Variants in KIAA1328 observed in about 807,000 individuals in gnomAD.
KIAA1328 encodes KIAA1328.
KIAA1328 carries 52 observed loss-of-function variants against 68.1 expected under a neutral mutation model. The observed-to-expected ratio is 0.76, with a 90% confidence interval of 0.61 to 0.96. The LOEUF (loss-of-function observed/expected upper bound fraction) is 0.96. KIAA1328 is among the 40% of genes least tolerant of loss of function. KIAA1328 has a pLI of 0.00. For missense variants in KIAA1328, 641 were observed against 677.6 expected, an observed-to-expected ratio of 0.95 and a Z score of 0.60; for synonymous variants, 232 against 239.4, an observed-to-expected ratio of 0.97 and a Z score of 0.28.
At chr18:37,090,846 T>A (rs1172328944) in intron 7 of KIAA1328, among the ~76,000 whole-genome samples, 2 of 152,182 alleles carry the variant, frequency 1.3e-5, no homozygotes, top group African/African-American at 4.8e-5. Context: ...ACTAATTTTT[T>A]AAATCTCAAT....
intron 7 of KIAA1328, among the ~76,000 whole-genome samples, chr18:37,110,642 A>G (rs1454278138): frequency 6.6e-6 from 1 of 152,236 alleles, no homozygotes; most frequent in Non-Finnish European, 1.5e-5. Context: ...AAACAAACAC[A>G]AAAATTTAAC....
chr18:37,071,572 G>C (rs1035265186), intron 7 of KIAA1328, among the ~76,000 whole-genome samples: 2 of 152,106 alleles, frequency 1.3e-5, no homozygotes, highest in East Asian at 1.9e-4. Flanking sequence ...AGTATTATAA[G>C]TAATGTAGAG....
chr18:36,910,886 A>T (rs1011111393), intron 5 of KIAA1328, among the ~76,000 whole-genome samples: 2 of 151,990 alleles, frequency 1.3e-5, no homozygotes, highest in African/African-American at 2.4e-5. Flanking sequence ...CTTTTCTGTC[A>T]TCGTCATGAG....
At chr18:37,193,025 A>C (rs2059936185) in intron 9 of KIAA1328, among the ~76,000 whole-genome samples, 1 of 152,200 alleles carries the variant, frequency 6.6e-6, no homozygotes, top group Non-Finnish European at 1.5e-5. Context: ...AAAATCTCTG[A>C]GATCAAGTTC....
At chr18:37,088,178 A>C (rs1360369059) in intron 7 of KIAA1328, among the ~76,000 whole-genome samples, 1 of 152,094 alleles carries the variant, frequency 6.6e-6, no homozygotes. Context: ...GTTGAGTTTC[A>C]ACTGAGACAC....
chr18:37,220,834 G>A (rs921458400), intron 9 of KIAA1328, among the ~76,000 whole-genome samples: 17 of 152,100 alleles, frequency 1.1e-4, no homozygotes, highest in African/African-American at 3.4e-4. Flanking sequence ...TTGGTTGGTT[G>A]GTTGGTTTTT....
At chr18:36,923,636 C>T (rs1598725981) in intron 5 of KIAA1328, 3 of 152,274 alleles carry the variant, frequency 2.0e-5, no homozygotes, top group Admixed American at 2.0e-4. Flanking sequence ...AAGAAAAGAA[C>T]ATTCTAGACA....
intron 1 of KIAA1328, among the ~76,000 whole-genome samples, chr18:36,830,583 G>T (rs546936291): frequency 4.6e-5 from 7 of 152,136 alleles, no homozygotes; most frequent in Admixed American, 6.5e-5. Context: ...AATGGTTTGG[G>T]GGGGGGACAA....
Position 36,927,248 on chromosome 18 carries a change from T to C in KIAA1328, c.449-32060T>C, listed in dbSNP as rs183754612. 1.1e-4 allele frequency among the ~76,000 whole-genome samples: 17 copies of C among 152,294 alleles called. No individual in the cohort carries two copies. The East Asian group carries it at 2.7e-3, about 24-fold the overall frequency. On this transcript the variant is annotated intron_variant, in intron 5 of 9. Coordinates refer to ENST00000280020, the MANE Select transcript of KIAA1328 (RefSeq NM_020776.3). Reference sequence around the variant, plus strand: ...ATACCATGGTAATGTAAGATACTAATGATAGAGAAAACTGAATAAGGGTAT... The same window carrying C: ...ATACCATGGTAATGTAAGATACTAACGATAGAGAAAACTGAATAAGGGTAT...
In KIAA1328 at chr18:37,153,353, C is replaced by G. The variant is rs113222039; in HGVS notation, c.1233-6847C>G. On this transcript the variant is annotated intron_variant, in intron 7 of 9. Transcript: ENST00000280020. ...GGGCAACAAACCTTGGGTATTACCC[C>G]AGATGAATGATGCCACTTCAGTTAT... Among the ~76,000 whole-genome samples the G allele has an allele frequency of 9.7e-3, 1,477 of 152,214 alleles. 15 individuals are homozygous for G. The highest frequency in any genetic ancestry group is 0.024 in the Middle Eastern group (7 of 294).
intron 9 of KIAA1328, among the ~76,000 whole-genome samples, chr18:37,212,863 G>A (rs906924517): frequency 3.9e-5 from 6 of 151,948 alleles, no homozygotes; most frequent in African/African-American, 1.5e-4. Context: ...TGGGACTACA[G>A]GCACGAGCCC....
chr18:37,135,741 C>T (rs1270822217), intron 7 of KIAA1328, among the ~76,000 whole-genome samples: 2 of 152,262 alleles, frequency 1.3e-5, no homozygotes, highest in Middle Eastern at 3.4e-3. Flanking sequence ...AGGACTTAAT[C>T]GTAAATTATT....
At chr18:37,170,541 T>C (rs966368920) in intron 8 of KIAA1328, among the ~76,000 whole-genome samples, 1 of 152,230 alleles carries the variant, frequency 6.6e-6, no homozygotes, top group Admixed American at 6.5e-5. Flanking sequence ...CTTTTGCTAA[T>C]GTAACTCTCT....
At chr18:37,034,888 T>A (rs1483799977) in intron 6 of KIAA1328, among the ~76,000 whole-genome samples, 1 of 152,158 alleles carries the variant, frequency 6.6e-6, no homozygotes, top group East Asian at 1.9e-4. Flanking sequence ...AAAGGTACAT[T>A]GAAAAGTAAT....
chr18:37,222,942 T>G lies in KIAA1328; in HGVS notation c.*715T>G, dbSNP rs948136007. 1 of 985,604 alleles carries G rather than the reference T, an allele frequency of 1.0e-6. No individual in the cohort carries two copies. Among genetic ancestry groups the G allele is most frequent in the Non-Finnish European group, 1.2e-6 (1 of 830,110 alleles). 61.1% of individuals were successfully genotyped at this position (985,604 alleles called of 1,614,324 possible). A position where few individuals can be genotyped will look rare whatever the true frequency, so the allele number is the denominator to read the frequency against. ...GGGAAATTCAGTGGAGGCACAAGCC[T>G]GAAGCACTCTTCTACCAATGTTTGG... is the stretch of plus-strand genomic sequence containing the variant. On this transcript the variant is annotated 3_prime_UTR_variant, in exon 10 of 10. Transcript: ENST00000280020.
intron 7 of KIAA1328, among the ~76,000 whole-genome samples, chr18:37,146,615 G>A (rs995024525): frequency 2.0e-5 from 3 of 152,104 alleles, no homozygotes; most frequent in Non-Finnish European, 4.4e-5. Context: ...GGGTTGCTGG[G>A]TCAAATGGTA....
At chr18:37,177,022 C>T (rs988182437) in intron 9 of KIAA1328, among the ~76,000 whole-genome samples, 1 of 152,138 alleles carries the variant, frequency 6.6e-6, no homozygotes, top group Admixed American at 6.5e-5. Flanking sequence ...TGTATTTCTT[C>T]GTTATAAATA....
chr18:36,931,380 A>G (rs2050304353), intron 5 of KIAA1328, among the ~76,000 whole-genome samples: 1 of 152,012 alleles, frequency 6.6e-6, no homozygotes, highest in South Asian at 2.1e-4. Flanking sequence ...CCTATTGTGA[A>G]CTGTACACGC....
intron 6 of KIAA1328, among the ~76,000 whole-genome samples, chr18:36,985,692 C>G (rs895050572): frequency 6.6e-6 from 1 of 152,064 alleles, no homozygotes; most frequent in Non-Finnish European, 1.5e-5. Flanking sequence ...TCCATATACC[C>G]CGGTAAACAC....
Sources: gnomAD v4.1 joint callset for allele counts (sites outside exome capture counted in the v4.1 genomes callset) on GRCh38, gnomAD v4.1.1 for gene constraint, MANE v1.5 for transcripts, NCBI Gene and HGNC (gene_info 2026-07-23, HGNC 2026-07-21) for gene names.